GULP1: variants seen among roughly 807,000 people sequenced by gnomAD.
GULP1 encodes GULP PTB domain containing engulfment adaptor 1.
In GULP1, 19 loss-of-function variants were observed where a neutral mutation model predicts 40.9. That is an observed-to-expected ratio of 0.46 (90% CI 0.32 to 0.68). The LOEUF (loss-of-function observed/expected upper bound fraction) is 0.68, where lower values mean the gene tolerates loss of function less well. Ranked by LOEUF, GULP1 falls within the 30% of genes least tolerant of loss-of-function variation. The pLI, the probability that GULP1 is intolerant of heterozygous loss-of-function variation, is 0.03. For missense variants in GULP1, 312 were observed against 362.2 expected, an observed-to-expected ratio of 0.86 and a Z score of 1.12; for synonymous variants, 119 against 117.6, an observed-to-expected ratio of 1.01 and a Z score of -0.08.
intron 6 of GULP1, among the ~76,000 whole-genome samples, chr2:188,534,185 T>C (rs1020331479): frequency 1.3e-5 from 2 of 151,926 alleles, no homozygotes; most frequent in East Asian, 3.9e-4. Flanking sequence ...AGACATACAC[T>C]CTCATTTTCA....
At chr2:188,395,634 A>T (rs1430072401) in intron 2 of GULP1, among the ~76,000 whole-genome samples, 1 of 152,076 alleles carries the variant, frequency 6.6e-6, no homozygotes, top group African/African-American at 2.4e-5. Flanking sequence ...TGCCATCCAG[A>T]TTTTTTTGTC....
Position 188,584,353 on chromosome 2 carries a change from C to G in GULP1, c.698C>G (p.Thr233Ser). The G allele has an allele frequency of 1.9e-6, 3 of 1,606,108 alleles. No homozygotes were observed. Among genetic ancestry groups the G allele is most frequent in the Non-Finnish European group, 2.6e-6 (3 of 1,172,882 alleles). ...ATATCACACCAGTCTTCGATGCCTA[C>G]TCGCAATGGCACACAGCCACCTCCA... ...SPISHQSSMP[T>S]RNGTQPPPVP... The change falls in exon 10 of 12, where the codon ACT becomes AGT. Residue 233 changes from threonine (T) to serine (S), a missense_variant. Transcript: ENST00000409830.
intron 2 of GULP1, among the ~76,000 whole-genome samples, chr2:188,446,667 A>G (rs2058412865): frequency 6.6e-6 from 1 of 152,160 alleles, no homozygotes; most frequent in Non-Finnish European, 1.5e-5. Context: ...TACATACACT[A>G]GGATCCTTTC....
At chr2:188,556,725 AACC>A (rs1276304343) in intron 7 of GULP1, among the ~76,000 whole-genome samples, 1 of 152,080 alleles carries the variant, frequency 6.6e-6, no homozygotes, top group African/African-American at 2.4e-5. Flanking sequence ...GATGTTGCTA[AACC>A]ACTCATTAGA....
At position 188,342,721 on chromosome 2, in the gene GULP1, A is replaced by G. The variant is rs143733874; in HGVS notation, c.-171-41042A>G. 5.9e-5 allele frequency among the ~76,000 whole-genome samples: 9 copies of G among 152,292 alleles called. No homozygotes were observed. The East Asian group carries it at 1.7e-3, about 29-fold the overall frequency. On this transcript the variant is annotated intron_variant, in intron 1 of 11. Coordinates refer to ENST00000409830, the MANE Select transcript of GULP1 (RefSeq NM_016315.4). ...ATGTTATTGTATGTACATTATCTTA[A>G]TGCCACAGCTATCCTCCAAAGATTT...
chr2:188,447,833 A>G (rs1304530299), intron 2 of GULP1, among the ~76,000 whole-genome samples: 1 of 152,200 alleles, frequency 6.6e-6, no homozygotes, highest in African/African-American at 2.4e-5. Context: ...ATTTTATTCC[A>G]TACTCACAAC....
In GULP1 at chr2:188,570,034, G is replaced by C; in HGVS notation, c.523G>C (p.Asp175His). Residue 175 changes from aspartate to histidine, a missense_variant, in exon 9 of 12, where the codon GAC becomes CAC. Physicochemically the swap from Asp to His is moderately conservative, Grantham distance 81 (BLOSUM62 -1). Transcript: ENST00000409830. ...ATAATGATTTTCTTTTTAGATCCAA[G>C]ACTTAGAAACAGAAAATATGGAACT... Reference protein sequence around the residue: ...QIAGLQKRIQDLETENMELKN... With the variant: ...QIAGLQKRIQHLETENMELKN... The C allele has an allele frequency of 8.1e-7, 1 of 1,235,268 alleles. No individual in the cohort carries two copies. Among genetic ancestry groups the C allele is most frequent in the East Asian group, 2.4e-5 (1 of 41,414 alleles). The allele number at this position is 1,235,268 out of a possible 1,614,324, so 76.5% of individuals were successfully genotyped here. A position where few individuals can be genotyped will look rare whatever the true frequency, so the allele number is the denominator to read the frequency against.
chr2:188,487,841 A>G (rs1204798841), intron 4 of GULP1, among the ~76,000 whole-genome samples: 2 of 152,014 alleles, frequency 1.3e-5, no homozygotes, highest in Non-Finnish European at 2.9e-5. Context: ...TTGTTTAATC[A>G]GAGAGAAGGC....
chr2:188,399,690 G>GGA (rs2051845517), intron 2 of GULP1, among the ~76,000 whole-genome samples: 1 of 64,676 alleles, frequency 1.5e-5, no homozygotes, highest in Non-Finnish European at 2.6e-5. Flanking sequence ...GTCCCTACAA[G>GGA]AAAAAAAAAA....
At chr2:188,352,687 C>A (rs1170783687) in intron 1 of GULP1, among the ~76,000 whole-genome samples, 1 of 147,870 alleles carries the variant, frequency 6.8e-6, no homozygotes, top group Non-Finnish European at 1.5e-5. Flanking sequence ...AAATAACAGT[C>A]ATACAGCTTA....
intron 9 of GULP1, among the ~76,000 whole-genome samples, chr2:188,581,373 T>G (rs1701287312): frequency 6.6e-6 from 1 of 152,194 alleles, no homozygotes. Flanking sequence ...CTTGCTCAAG[T>G]GCCATTCCTT....
chr2:188,347,554 G>A (rs1025017240), intron 1 of GULP1, among the ~76,000 whole-genome samples: 14 of 151,434 alleles, frequency 9.2e-5, no homozygotes, highest in Admixed American at 3.3e-4. Flanking sequence ...TTAATATATA[G>A]TCATGCTTTT....
rs367846054 is a variant in GULP1 at position 188,552,271 on chromosome 2, G to C, written c.399+10953G>C. ...GCCCAATGTTCAGTAGTTTTCCTTA[G>C]ATTTTCTTTTAATATTTTTACAGTT... On this transcript the variant is annotated intron_variant, in intron 7 of 11. Transcript: ENST00000409830. Among the ~76,000 whole-genome samples the C allele has an allele frequency of 1.1e-4, 17 of 151,662 alleles. No individual in the cohort carries two copies. The East Asian group carries it at 1.5e-3, about 14-fold the overall frequency.
At position 188,595,770 on chromosome 2, in the gene GULP1, C is replaced by T. The variant is rs2153480736; in HGVS notation, c.*1759C>T. 6.6e-6 allele frequency: 1 copy of T among 152,318 alleles called. No homozygotes were observed. Among genetic ancestry groups the T allele is most frequent in the South Asian group, 2.1e-4 (1 of 4,824 alleles). 9.4% of individuals were successfully genotyped at this position (152,318 alleles called of 1,614,324 possible). On this transcript the variant is annotated 3_prime_UTR_variant, in exon 12 of 12. Transcript: ENST00000409830. Reference sequence around the variant, plus strand: ...TTTACCAATTTTTAATGGTAATCAACTCTGCTACTGGCATGATGAAATAGT... The same window carrying T: ...TTTACCAATTTTTAATGGTAATCAATTCTGCTACTGGCATGATGAAATAGT...
Position 188,594,591 on chromosome 2 carries a change from A to G in GULP1, c.*580A>G, listed in dbSNP as rs766662335. 7 of 151,840 alleles carry G rather than the reference A, an allele frequency of 4.6e-5. No individual in the cohort carries two copies. The highest frequency in any genetic ancestry group is 8.8e-5 in the Non-Finnish European group (6 of 67,810). 9.4% of individuals were successfully genotyped at this position (151,840 alleles called of 1,614,324 possible). On this transcript the variant is annotated 3_prime_UTR_variant, in exon 12 of 12. Coordinates refer to ENST00000409830, the MANE Select transcript of GULP1 (RefSeq NM_016315.4). ...AAATTATAAGGATATAAATTCCAATAATAAACCAAATGTATTTAGAGTATT... is the reference window on the plus strand; with the variant it reads ...AAATTATAAGGATATAAATTCCAATGATAAACCAAATGTATTTAGAGTATT...
At chr2:188,545,245 A>G (rs1691594019) in intron 7 of GULP1, among the ~76,000 whole-genome samples, 1 of 151,904 alleles carries the variant, frequency 6.6e-6, no homozygotes, top group African/African-American at 2.4e-5. Context: ...GAAGTTCTCT[A>G]AATGGAAAGG....
At chr2:188,464,955 C>T (rs766663647) in intron 2 of GULP1, among the ~76,000 whole-genome samples, 1 of 152,102 alleles carries the variant, frequency 6.6e-6, no homozygotes, top group Non-Finnish European at 1.5e-5. Flanking sequence ...ATCCAAGAGT[C>T]AAGTCCTAGA....
chr2:188,578,021 T>A (rs1559399308), intron 9 of GULP1, among the ~76,000 whole-genome samples: 1 of 151,928 alleles, frequency 6.6e-6, no homozygotes. Flanking sequence ...TTTCTTAATT[T>A]AATTATAAAT....
At chr2:188,328,948 C>G (rs138493195) in intron 1 of GULP1, among the ~76,000 whole-genome samples, 4 of 152,086 alleles carry the variant, frequency 2.6e-5, no homozygotes, top group African/African-American at 7.2e-5. Flanking sequence ...ATCTATGATA[C>G]GGATCAAACA....
Sources: allele counts gnomAD v4.1 joint callset (sites outside exome capture counted in the v4.1 genomes callset), GRCh38; gene constraint gnomAD v4.1.1; transcripts MANE v1.5; gene names NCBI Gene and HGNC (gene_info 2026-07-23, HGNC 2026-07-21).